Variants in NUP35 observed in about 807,000 individuals in gnomAD.
The protein encoded by NUP35 is nucleoporin 35, also known as nucleoporin NUP35.
Under a neutral mutation model 41.5 loss-of-function variants are expected in NUP35, and 25 were observed. That is an observed-to-expected ratio of 0.60 (90% CI 0.44 to 0.84). NUP35 has a LOEUF of 0.84. NUP35 is among the 40% of genes least tolerant of loss of function. The probability of loss-of-function intolerance (pLI) is 0.00; values close to 1 mark genes in which losing one functional copy is unlikely to be tolerated. For missense variants in NUP35, 396 were observed against 396.6 expected (o/e 1.00, Z 0.01); for synonymous variants, 149 against 130.7 (o/e 1.14, Z -0.96).
rs1426261676 is a variant in NUP35, at chr2:183,128,421, G to A, written c.175G>A (p.Val59Ile). Residue 59 changes from valine (V) to isoleucine (I), a missense_variant, in exon 2 of 9, where the codon GTA (valine) becomes ATA (isoleucine). By Grantham distance (29) the Val-to-Ile change is conservative. Transcript: ENST00000295119. ...PQPRSISGPS[V>I]GVMEMRSPLL... is the part of the protein sequence containing the mutation. ...ACCTCGATCAATTAGTGGCCCTTCA[G>A]TAGGAGTAATGGAAATGAGATCACC... The A allele has an allele frequency of 1.9e-6, 3 of 1,613,746 alleles. No individual in the cohort carries two copies. The highest frequency in any genetic ancestry group is 1.7e-6 in the Non-Finnish European group (2 of 1,179,924).
intron 5 of NUP35, among the ~76,000 whole-genome samples, chr2:183,157,234 G>T (rs1344351733): frequency 6.6e-6 from 1 of 152,076 alleles, no homozygotes; most frequent in Non-Finnish European, 1.5e-5. Context: ...GAGAAGAATG[G>T]CAGGATAAGA....
At chr2:183,135,265 T>C (rs1684835961) in intron 4 of NUP35, among the ~76,000 whole-genome samples, 1 of 152,136 alleles carries the variant, frequency 6.6e-6, no homozygotes, top group Non-Finnish European at 1.5e-5. Context: ...CTACCACTGA[T>C]AGTTAGGGGG....
intron 4 of NUP35, among the ~76,000 whole-genome samples, chr2:183,149,159 G>T (rs1325065562): frequency 1.3e-5 from 2 of 152,102 alleles, no homozygotes; most frequent in African/African-American, 4.8e-5. Context: ...TAAAAATGGA[G>T]CATGACTCAT....
chr2:183,150,959 G>C (rs570757360), intron 4 of NUP35, among the ~76,000 whole-genome samples: 2 of 152,214 alleles, frequency 1.3e-5, no homozygotes, highest in Non-Finnish European at 1.5e-5. Flanking sequence ...ATTGGTGGCT[G>C]TTACTGAAGA....
intron 4 of NUP35, among the ~76,000 whole-genome samples, chr2:183,134,648 G>A (rs1286371903): frequency 6.6e-6 from 1 of 151,550 alleles, no homozygotes; most frequent in African/African-American, 2.4e-5. Context: ...TGGAGTCTTG[G>A]TCTGTCGCCC....
chr2:183,147,270 T>G (rs1280194624), intron 4 of NUP35, among the ~76,000 whole-genome samples: 1 of 152,238 alleles, frequency 6.6e-6, no homozygotes, highest in Non-Finnish European at 1.5e-5. Context: ...TTGTAAAGTC[T>G]TTGCCTAGGC....
Position 183,130,510 on chromosome 2 carries a change from G to C in NUP35, c.304G>C (p.Gly102Arg). ...TATATATGATGACATTTCTAGCCCAGGACTTGGATCAACACCTTTAACTTC... is the reference window on the plus strand; with the variant it reads ...TATATATGATGACATTTCTAGCCCACGACTTGGATCAACACCTTTAACTTC... ...RSIYDDISSP[G>R]LGSTPLTSRR... is the part of the protein sequence containing the mutation. The change falls in exon 3 of 9, where the codon GGA (glycine) becomes CGA (arginine). Residue 102 changes from glycine to arginine, a missense_variant. Gly to Arg is a moderately radical substitution (Grantham distance 125, BLOSUM62 -2). Transcript: ENST00000295119. 1 of 1,612,406 alleles carries C rather than the reference G, an allele frequency of 6.2e-7. No homozygotes were observed. Among genetic ancestry groups the C allele is most frequent in the Non-Finnish European group, 8.5e-7 (1 of 1,179,692 alleles).
Position 183,161,044 on chromosome 2 carries a change from T to G in NUP35, c.904-10T>G. 4 of 1,609,142 alleles carry G rather than the reference T, an allele frequency of 2.5e-6. No individual in the cohort carries two copies. Among genetic ancestry groups the G allele is most frequent in the South Asian group, 1.1e-5 (1 of 90,798 alleles). On this transcript the variant is annotated splice_polypyrimidine_tract_variant and intron_variant, in intron 8 of 8. Coordinates refer to ENST00000295119, the MANE Select transcript of NUP35 (RefSeq NM_138285.5). Reference sequence around the variant, plus strand: ...ACCTAACCGTTTTTTTTGTGTGTGTTTTTTAATAGGTTATTTCTGACAGAC... The same window carrying G: ...ACCTAACCGTTTTTTTTGTGTGTGTGTTTTAATAGGTTATTTCTGACAGAC...
At chr2:183,130,328 A>G in intron 2 of NUP35, 90 bp from the exon 3 acceptor site, 1 of 1,337,226 alleles carries the variant, frequency 7.5e-7, no homozygotes, top group Non-Finnish European at 1.0e-6. Context: ...AACAGACAAG[A>G]TTTTAAGTCA....
chr2:183,122,928 T>C (rs962982219), upstream of NUP35, among the ~76,000 whole-genome samples: 8 of 152,212 alleles, frequency 5.3e-5, no homozygotes, highest in Non-Finnish European at 1.0e-4. Flanking sequence ...ATGTGATTAT[T>C]AACTTAATCA....
At chr2:183,119,589 G>A (rs758932417), upstream of NUP35, among the ~76,000 whole-genome samples, 1 of 152,148 alleles carries the variant, frequency 6.6e-6, no homozygotes, top group Non-Finnish European at 1.5e-5. Flanking sequence ...AATGTGAAGA[G>A]CTGTTCACAA....
Position 183,161,195 on chromosome 2 carries a change from GGTTA to G in NUP35, c.*69_*72del. On this transcript the variant is annotated 3_prime_UTR_variant, in exon 9 of 9. Coordinates refer to ENST00000295119, the MANE Select transcript of NUP35 (RefSeq NM_138285.5). ...TTAGCAGAGTGCTGCTGGTTCCTTCGGTTAGTTATATAACTGTTCCTGCAGTATT... is the reference window on the plus strand; with the variant it reads ...TTAGCAGAGTGCTGCTGGTTCCTTCGGTTATATAACTGTTCCTGCAGTATT... 1 of 1,201,662 alleles carries G rather than the reference GGTTA, an allele frequency of 8.3e-7. No individual in the cohort carries two copies. The highest frequency in any genetic ancestry group is 1.5e-5 in the African/African-American group (1 of 66,610). 74.4% of individuals were successfully genotyped at this position (1,201,662 alleles called of 1,614,324 possible).
At chr2:183,138,263 A>T (rs962802864) in intron 4 of NUP35, among the ~76,000 whole-genome samples, 1,116 of 66,954 alleles carry the variant, frequency 0.017, 17 homozygotes, top group African/African-American at 0.059. Flanking sequence ...ATATATATAT[A>T]TATATATTTT....
At chr2:183,154,044 G>A (rs1272897883) in intron 5 of NUP35, among the ~76,000 whole-genome samples, 1 of 149,240 alleles carries the variant, frequency 6.7e-6, no homozygotes, top group Non-Finnish European at 1.5e-5. Flanking sequence ...ACTCTCTGAA[G>A]CCACAGCCCA....
chr2:183,138,269 A>ATATTTTTTTT lies in NUP35; in HGVS notation c.397+4647_397+4648insATTTTTTTTT. ...GCTATATATATATATATATATATAT[A>ATATTTTTTTT]TTTTTTTTTTTTTTTAGCTCCTGTA... is the stretch of plus-strand genomic sequence containing the variant. On this transcript the variant is annotated intron_variant, in intron 4 of 8. Transcript: ENST00000295119. 6.2e-4 allele frequency among the ~76,000 whole-genome samples: 50 copies of ATATTTTTTTT among 80,668 alleles called. 1 individual carries two copies. Among genetic ancestry groups the ATATTTTTTTT allele is most frequent in the African/African-American group, 2.3e-3 (37 of 16,148 alleles). 52.9% of individuals were successfully genotyped at this position (80,668 alleles called of 152,430 possible). A position where few individuals can be genotyped will look rare whatever the true frequency, so the allele number is the denominator to read the frequency against.
intron 6 of NUP35, 38 bp from the exon 7 acceptor site, chr2:183,158,245 A>G (rs758391368): frequency 3.0e-6 from 4 of 1,339,846 alleles, no homozygotes; most frequent in East Asian, 2.7e-5. Context: ...TAGATTTTAT[A>G]TATTTTCTAT....
chr2:183,122,416 T>A (rs1373264437), upstream of NUP35, among the ~76,000 whole-genome samples: 1 of 152,172 alleles, frequency 6.6e-6, no homozygotes, highest in Non-Finnish European at 1.5e-5. Context: ...TTTAAAGAAG[T>A]ATCACTCTTT....
At chr2:183,149,595 C>A (rs1685393704) in intron 4 of NUP35, among the ~76,000 whole-genome samples, 1 of 152,178 alleles carries the variant, frequency 6.6e-6, no homozygotes, top group South Asian at 2.1e-4. Context: ...AATGAAACTT[C>A]ATGTTTTTGT....
At chr2:183,159,740 C>G in intron 8 of NUP35, 88 bp downstream of exon 8, 1 of 1,049,286 alleles carries the variant, frequency 9.5e-7, no homozygotes, top group Non-Finnish European at 1.4e-6. Flanking sequence ...ATTTGTATGC[C>G]ATTAAATGTT....
Sources: gnomAD v4.1 joint callset for allele counts (sites outside exome capture counted in the v4.1 genomes callset) on GRCh38, gnomAD v4.1.1 for gene constraint, MANE v1.5 for transcripts, NCBI Gene and HGNC (gene_info 2026-07-23, HGNC 2026-07-21) for gene names.